PTCD1: variants seen among roughly 807,000 people sequenced by gnomAD.
PTCD1 encodes the protein pentatricopeptide repeat-containing protein 1, mitochondrial.
Under a neutral mutation model 53.4 loss-of-function variants are expected in PTCD1, and 50 were observed. That is an observed-to-expected ratio of 0.94 (90% CI 0.75 to 1.19). The LOEUF (loss-of-function observed/expected upper bound fraction) is 1.19. Ranked by LOEUF, PTCD1 falls within the 50% of genes most tolerant of loss-of-function variation. The pLI is 0.00. For synonymous variants in PTCD1, 413 were observed against 394.8 expected (o/e 1.05, Z -0.55); for missense variants, 918 against 904.8 (o/e 1.01, Z -0.19).
At chr7:99,432,616 T>C (rs887305694) in intron 3 of PTCD1, among the ~76,000 whole-genome samples, 4 of 148,980 alleles carry the variant, frequency 2.7e-5, no homozygotes, top group African/African-American at 1.0e-4. Flanking sequence ...GCGCAGGTCC[T>C]CCGTATGCGG....
rs201365604 is a variant in PTCD1, at chr7:99,434,948, G to T, written c.295C>A (p.Arg99=). 1 of 1,614,046 alleles carries T rather than the reference G, an allele frequency of 6.2e-7. No homozygotes were observed. Among genetic ancestry groups the T allele is most frequent in the Admixed American group, 1.7e-5 (1 of 59,986 alleles). The part of the protein sequence containing the change: ...FGTLSDKYSS[R]RLFRKSAAQF... ...GCTGCGGATTTGCGGAATAGTCTCCGGGAGGAGTATTTGTCAGAGAGGGTC... is the reference window on the plus strand; with the variant it reads ...GCTGCGGATTTGCGGAATAGTCTCCTGGAGGAGTATTTGTCAGAGAGGGTC... The change falls in exon 2 of 8, where the codon CGG becomes AGG. Residue 99 remains arginine, a synonymous_variant. Transcript: ENST00000292478.
chr7:99,421,442 A>G (rs1010696851), intron 7 of PTCD1, among the ~76,000 whole-genome samples: 22 of 150,088 alleles, frequency 1.5e-4, no homozygotes, highest in East Asian at 5.9e-4. Flanking sequence ...AAAAAAAAAA[A>G]AAAAAGAAAA....
Position 99,420,141 on chromosome 7 carries a change from C to G in PTCD1, c.1929G>C (p.Gly643=), listed in dbSNP as rs1188851976. ...QYPPTFDRYQ[G]KNTYLEKIDG... is the part of the protein sequence containing the mutation. The stretch of plus-strand genomic sequence containing the variant: ...CAATCTTCTCCAGGTAGGTGTTCTT[C>G]CCTTGGTACTAGAATTAGAAAAGTG... The change falls in exon 8 of 8, where the codon GGG becomes GGC. Residue 643 remains glycine, a synonymous_variant. Coordinates refer to ENST00000292478, the MANE Select transcript of PTCD1 (RefSeq NM_015545.4). The G allele has an allele frequency of 6.2e-7, 1 of 1,614,160 alleles. No individual in the cohort carries two copies. Among genetic ancestry groups the G allele is most frequent in the African/African-American group, 1.3e-5 (1 of 75,044 alleles).
chr7:99,427,315 GC>G (rs1341902643), intron 5 of PTCD1, among the ~76,000 whole-genome samples: 1 of 137,468 alleles, frequency 7.3e-6, no homozygotes, highest in Non-Finnish European at 1.5e-5. Context: ...GGGGGGGTCA[GC>G]CCCCCGCCCG....
intron 1 of PTCD1, among the ~76,000 whole-genome samples, chr7:99,435,544 C>T (rs747987960): frequency 1.8e-4 from 27 of 152,090 alleles, no homozygotes; most frequent in Admixed American, 9.2e-4. Context: ...GAGGCTGAGG[C>T]AGGAGAATCA....
In PTCD1 at chr7:99,425,252, G is replaced by T; in HGVS notation, c.1280C>A (p.Thr427Asn). The T allele has an allele frequency of 6.2e-7, 1 of 1,612,828 alleles. No individual in the cohort carries two copies. The highest frequency in any genetic ancestry group is 1.7e-5 in the Admixed American group (1 of 59,968). The change falls in exon 6 of 8, where the codon ACC becomes AAC. Residue 427 changes from threonine (T) to asparagine (N), a missense_variant. Coordinates refer to ENST00000292478, the MANE Select transcript of PTCD1 (RefSeq NM_015545.4). ...GGGAGGTGGCTTCAGGGCCACTGCG[G>T]TGAGGGCTGCTGTGTGGCTGGGCTC... ...KAEPSHTAAL[T>N]AVALKPPPVE...
Position 99,434,990 on chromosome 7 carries a change from C to A in PTCD1, c.253G>T (p.Glu85Ter), listed in dbSNP as rs780024333. Residue 85 changes from glutamate to a stop codon, truncating the protein, a stop_gained, in exon 2 of 8, where the codon GAG (glutamate) becomes TAG (stop). Transcript: ENST00000292478. LOFTEE classifies it high-confidence loss of function. ...GAGAGGGTCCCAAAACTCTCCTCCT[C>A]CTCCTCGTCTTCTTCCTGCGTGGCC... ...STATQEEDEE[E>*]EESFGTLSDK... The A allele has an allele frequency of 6.2e-7, 1 of 1,614,218 alleles. No individual in the cohort carries two copies. The highest frequency in any genetic ancestry group is 2.2e-5 in the East Asian group (1 of 44,880).
In PTCD1 at chr7:99,425,322, C is replaced by T. The variant is rs376543906; in HGVS notation, c.1210G>A (p.Ala404Thr). Residue 404 changes from alanine to threonine, a missense_variant, in exon 6 of 8, where the codon GCC (alanine) becomes ACC (threonine). Physicochemically the swap from Ala to Thr is moderately conservative, Grantham distance 58. Coordinates refer to ENST00000292478, the MANE Select transcript of PTCD1 (RefSeq NM_015545.4). Reference protein sequence around the residue: ...QALGPPEPPEARVPGKAQPEV... With the variant: ...QALGPPEPPETRVPGKAQPEV... ...GGTTGGGCCTTGCCGGGCACTCTGGCTTCCGGAGGCTCTGGAGGCCCAAGT... is the reference window on the plus strand; with the variant it reads ...GGTTGGGCCTTGCCGGGCACTCTGGTTTCCGGAGGCTCTGGAGGCCCAAGT... 37 of 1,614,072 alleles carry T rather than the reference C, an allele frequency of 2.3e-5. No homozygotes were observed. Among genetic ancestry groups the T allele is most frequent in the Non-Finnish European group, 3.0e-5 (35 of 1,180,048 alleles).
rs374595581 is a variant in PTCD1 at position 99,423,839 on chromosome 7, G to T, written c.1856C>A (p.Pro619Gln). The T allele has an allele frequency of 6.2e-7, 1 of 1,614,164 alleles. No homozygotes were observed. Among genetic ancestry groups the T allele is most frequent in the Non-Finnish European group, 8.5e-7 (1 of 1,180,026 alleles). ...CTGGCGGATGACCACTTCGTTCACC[G>T]GGACCCTGTTCTGCTTCATGTCCTT... ...ILKDMKQNRV[P>Q]VNEVVIRQLE... The change falls in exon 7 of 8, where the codon CCG becomes CAG. Residue 619 changes from proline (P) to glutamine (Q), a missense_variant. Coordinates refer to ENST00000292478, the MANE Select transcript of PTCD1 (RefSeq NM_015545.4).
intron 5 of PTCD1, among the ~76,000 whole-genome samples, chr7:99,426,336 C>T (rs908606783): frequency 6.6e-6 from 1 of 152,202 alleles, no homozygotes; most frequent in African/African-American, 2.4e-5. Context: ...ATTGCAGGCG[C>T]GCGCCACCAC....
chr7:99,417,615 C>T lies in PTCD1; in HGVS notation c.*2352G>A, dbSNP rs755069746. On this transcript the variant is annotated 3_prime_UTR_variant, in exon 8 of 8. Coordinates refer to ENST00000292478, the MANE Select transcript of PTCD1 (RefSeq NM_015545.4). Reference sequence around the variant, plus strand: ...GAAGTGGTAATGTCTGACACTCAAGCTTGGTGTTGTTTTCAGCTCAAAATT... The same window carrying T: ...GAAGTGGTAATGTCTGACACTCAAGTTTGGTGTTGTTTTCAGCTCAAAATT... The T allele has an allele frequency of 1.2e-6, 2 of 1,608,672 alleles. No homozygotes were observed. The highest frequency in any genetic ancestry group is 1.7e-6 in the Non-Finnish European group (2 of 1,179,956).
Position 99,419,894 on chromosome 7 carries a change from G to A in PTCD1, c.*73C>T. 6.2e-7 allele frequency: 1 copy of A among 1,607,668 alleles called. No individual in the cohort carries two copies. Among genetic ancestry groups the A allele is most frequent in the Non-Finnish European group, 8.5e-7 (1 of 1,177,738 alleles). ...CTGGCTCTTCCCCCAGGCAGGAGGTGACACCAGCTCACTTGTCCTGGGGCT... is the reference window on the plus strand; with the variant it reads ...CTGGCTCTTCCCCCAGGCAGGAGGTAACACCAGCTCACTTGTCCTGGGGCT... On this transcript the variant is annotated 3_prime_UTR_variant, in exon 8 of 8. Transcript: ENST00000292478.
chr7:99,417,884 G>T lies in PTCD1; in HGVS notation c.*2083C>A. 3 of 1,354,018 alleles carry T rather than the reference G, an allele frequency of 2.2e-6. No individual in the cohort carries two copies. The highest frequency in any genetic ancestry group is 2.9e-6 in the Non-Finnish European group (3 of 1,046,434). The allele number at this position is 1,354,018 out of a possible 1,614,324, so 83.9% of individuals were successfully genotyped here. A position where few individuals can be genotyped will look rare whatever the true frequency, so the allele number is the denominator to read the frequency against. Reference sequence around the variant, plus strand: ...GGTGGGGAGCCCTAATCCCAAGGTGGTGGCAGGGTGACATCAGGGAAGGAC... The same window carrying T: ...GGTGGGGAGCCCTAATCCCAAGGTGTTGGCAGGGTGACATCAGGGAAGGAC... On this transcript the variant is annotated 3_prime_UTR_variant, in exon 8 of 8. Coordinates refer to ENST00000292478, the MANE Select transcript of PTCD1 (RefSeq NM_015545.4).
chr7:99,426,166 CTCCCCACGGTCTCCCTCTCCCT>C (rs1796010856), intron 5 of PTCD1, among the ~76,000 whole-genome samples: 1 of 138,812 alleles, frequency 7.2e-6, no homozygotes, highest in South Asian at 2.3e-4. Context: ...CCCTCTCCCT[CTCCCCACGGTCTCCCTCTCCCT>C]CTCCCCACGG....
At chr7:99,420,869 C>G (rs1209269947) in intron 7 of PTCD1, among the ~76,000 whole-genome samples, 2 of 152,072 alleles carry the variant, frequency 1.3e-5, no homozygotes, top group Non-Finnish European at 2.9e-5. Flanking sequence ...ATGGCTTGAA[C>G]CCGGGAGGCA....
At position 99,425,248 on chromosome 7, in the gene PTCD1, T is replaced by G; in HGVS notation, c.1284A>C (p.Ala428=). ...CCACGGGAGGTGGCTTCAGGGCCAC[T>G]GCGGTGAGGGCTGCTGTGTGGCTGG... ...AEPSHTAALT[A]VALKPPPVEL... The change falls in exon 6 of 8, where the codon GCA becomes GCC. Residue 428 remains alanine, a synonymous_variant. Transcript: ENST00000292478. 5.6e-6 allele frequency: 9 copies of G among 1,612,666 alleles called. No homozygotes were observed. Among genetic ancestry groups the G allele is most frequent in the Middle Eastern group, 1.7e-4 (1 of 6,042 alleles).
In PTCD1 at chr7:99,425,605, C is replaced by G; in HGVS notation, c.927G>C (p.Leu309=). The change falls in exon 6 of 8, where the codon CTG becomes CTC. Residue 309 remains leucine, a synonymous_variant. Coordinates refer to ENST00000292478, the MANE Select transcript of PTCD1 (RefSeq NM_015545.4). ...TCGGCTGTAGCCCTAGACTCAGCAT[C>G]AGCCGCCACACCTGCCACGGAAGAG... The part of the protein sequence containing the change: ...GFRYALQVWR[L]MLSLGLQPSR... 6.2e-7 allele frequency: 1 copy of G among 1,604,394 alleles called. No homozygotes were observed. The highest frequency in any genetic ancestry group is 1.1e-5 in the South Asian group (1 of 90,504).
intron 3 of PTCD1, among the ~76,000 whole-genome samples, chr7:99,430,501 T>C (rs574484130): frequency 6.6e-6 from 1 of 152,348 alleles, no homozygotes; most frequent in Non-Finnish European, 1.5e-5. Context: ...AGTCAGGCCA[T>C]CTGGGGCTCA....
chr7:99,425,620 C>A lies in PTCD1; in HGVS notation c.916-4G>T. ...GACTCAGCATCAGCCGCCACACCTG[C>A]CACGGAAGAGACAAACGTCAGCTGG... On this transcript the variant is annotated splice_region_variant and splice_polypyrimidine_tract_variant and intron_variant, in intron 5 of 7. Transcript: ENST00000292478. 6.2e-7 allele frequency: 1 copy of A among 1,606,884 alleles called. No homozygotes were observed. Among genetic ancestry groups the A allele is most frequent in the Non-Finnish European group, 8.5e-7 (1 of 1,177,980 alleles).
Sources: allele counts gnomAD v4.1 joint callset (sites outside exome capture counted in the v4.1 genomes callset), GRCh38; gene constraint gnomAD v4.1.1; transcripts MANE v1.5; gene names NCBI Gene and HGNC (gene_info 2026-07-23, HGNC 2026-07-21).